The following NAV3 variants were observed in gnomAD, a reference collection of about 807,000 sequenced individuals.
The protein encoded by NAV3 is neuron navigator 3, also known as pore membrane and/or filament interacting like protein 1.
In NAV3, 87 loss-of-function variants were observed where a neutral mutation model predicts 244.7. The ratio of observed to expected loss-of-function variants is 0.36; its 90% CI spans 0.30 to 0.42. The LOEUF is 0.42. Ranked by LOEUF, NAV3 falls within the 20% of genes least tolerant of loss-of-function variation. The pLI, the probability that NAV3 is intolerant of heterozygous loss-of-function variation, is 1.00. For missense variants in NAV3, 2,663 were observed against 2,893.3 expected, an observed-to-expected ratio of 0.92 and a Z score of 1.83; for synonymous variants, 1,126 against 1,042.2, an observed-to-expected ratio of 1.08 and a Z score of -1.55.
At chr12:77,707,344 T>C (rs1875871020) in intron 2 of NAV3, among the ~76,000 whole-genome samples, 1 of 151,956 alleles carries the variant, frequency 6.6e-6, no homozygotes, top group Non-Finnish European at 1.5e-5. Context: ...TTGCTGAGAA[T>C]GATGGTTTCC....
At chr12:78,135,002 A>G (rs1167580076) in intron 18 of NAV3, among the ~76,000 whole-genome samples, 1 of 152,062 alleles carries the variant, frequency 6.6e-6, no homozygotes, top group Non-Finnish European at 1.5e-5. Context: ...AATGGATCTT[A>G]TAGTCCTTTT....
At chr12:77,652,867 G>A (rs1872889824) in intron 2 of NAV3, among the ~76,000 whole-genome samples, 2 of 152,214 alleles carry the variant, frequency 1.3e-5, no homozygotes, top group African/African-American at 4.8e-5. Context: ...TAATCAGCAT[G>A]TGTCTGTGAA....
intron 8 of NAV3, among the ~76,000 whole-genome samples, chr12:78,021,392 T>C (rs1253261619): frequency 6.6e-6 from 1 of 152,194 alleles, no homozygotes; most frequent in Non-Finnish European, 1.5e-5. Flanking sequence ...GTGATTTTAA[T>C]ACTTTCACTA....
chr12:77,939,925 T>C (rs1020467142), intron 1 of NAV3, among the ~76,000 whole-genome samples: 7 of 152,214 alleles, frequency 4.6e-5, no homozygotes, highest in African/African-American at 1.7e-4. Flanking sequence ...CAATTTTTTA[T>C]AGTAATGTTT....
intron 2 of NAV3, among the ~76,000 whole-genome samples, chr12:77,772,878 C>T (rs1312829204): frequency 6.6e-6 from 1 of 152,182 alleles, no homozygotes. Context: ...CTAGTCTTTC[C>T]TACCAGCTGT....
At chr12:77,630,864 C>T (rs1454175415) in intron 2 of NAV3, among the ~76,000 whole-genome samples, 1 of 152,108 alleles carries the variant, frequency 6.6e-6, no homozygotes, top group African/African-American at 2.4e-5. Flanking sequence ...ACTTGCTGCT[C>T]ATTAAACAGA....
intron 2 of NAV3, among the ~76,000 whole-genome samples, chr12:77,631,625 C>T (rs1385499782): frequency 6.6e-6 from 1 of 152,094 alleles, no homozygotes; most frequent in Non-Finnish European, 1.5e-5. Flanking sequence ...CACCAGTTTC[C>T]CCTTCTGTGG....
intron 2 of NAV3, among the ~76,000 whole-genome samples, chr12:77,753,645 G>A (rs1202483847): frequency 6.6e-6 from 1 of 152,140 alleles, no homozygotes; most frequent in Admixed American, 6.6e-5. Context: ...CCTTGCCACA[G>A]TCAGTAGAAA....
intron 5 of NAV3, among the ~76,000 whole-genome samples, chr12:77,990,933 G>A (rs1871335657): frequency 6.6e-6 from 1 of 152,082 alleles, no homozygotes; most frequent in African/African-American, 2.4e-5. Flanking sequence ...TATTAATTGT[G>A]TTAATAATAC....
chr12:78,165,549 T>C (rs1957745707), intron 23 of NAV3, among the ~76,000 whole-genome samples: 2 of 151,904 alleles, frequency 1.3e-5, no homozygotes, highest in South Asian at 4.1e-4. Context: ...ATCTTGGGAA[T>C]TCATTTCTAA....
At chr12:78,090,233 T>TTA (rs956181111) in intron 12 of NAV3, among the ~76,000 whole-genome samples, 57 of 146,794 alleles carry the variant, frequency 3.9e-4, no homozygotes, top group East Asian at 1.6e-3. Context: ...TAAAGTTGAA[T>TTA]TATATATATA....
At chr12:78,029,916 A>C (rs1257352370) in intron 9 of NAV3, among the ~76,000 whole-genome samples, 2 of 152,210 alleles carry the variant, frequency 1.3e-5, no homozygotes, top group Non-Finnish European at 2.9e-5. Context: ...AAAACCACAG[A>C]TTGTACAATC....
At chr12:78,199,137 G>A in intron 36 of NAV3, 198 bp from the exon 37 acceptor site, 1 of 653,774 alleles carries the variant, frequency 1.5e-6, no homozygotes, top group South Asian at 1.5e-5. Flanking sequence ...AAAAAGTAGA[G>A]TTAGCTACAT....
chr12:77,793,464 C>T (rs1379220587), intron 2 of NAV3, among the ~76,000 whole-genome samples: 21 of 152,038 alleles, frequency 1.4e-4, no homozygotes, highest in Non-Finnish European at 3.1e-4. Context: ...TAATGCTTTC[C>T]CTCCACTTGC....
intron 2 of NAV3, among the ~76,000 whole-genome samples, chr12:77,629,198 G>A (rs187405955): frequency 4.1e-4 from 62 of 152,244 alleles, no homozygotes; most frequent in Non-Finnish European, 6.0e-4. Flanking sequence ...CATAAATATT[G>A]TCTTTCTTTA....
At chr12:77,899,025 T>C (rs1196232961) in intron 1 of NAV3, among the ~76,000 whole-genome samples, 3 of 152,186 alleles carry the variant, frequency 2.0e-5, no homozygotes, top group Non-Finnish European at 4.4e-5. Context: ...GCAAGAGAAC[T>C]GAAATCAGAA....
chr12:78,036,975 G>A (rs1207467976), intron 9 of NAV3: 1 of 703,010 alleles, frequency 1.4e-6, no homozygotes, highest in Non-Finnish European at 2.6e-6. Context: ...CAGTGATGGG[G>A]AGAGGAGACC....
chr12:77,953,119 A>G (rs1891051288), intron 3 of NAV3, among the ~76,000 whole-genome samples: 1 of 152,162 alleles, frequency 6.6e-6, no homozygotes, highest in South Asian at 2.1e-4. Context: ...TATAATGAAG[A>G]TTTAATATCA....
At chr12:77,680,610 C>T (rs1175547359) in intron 2 of NAV3, among the ~76,000 whole-genome samples, 1 of 152,156 alleles carries the variant, frequency 6.6e-6, no homozygotes. Context: ...TTGCCAAATT[C>T]TTTTATCCTG....
Sources: allele counts gnomAD v4.1 joint callset (sites outside exome capture counted in the v4.1 genomes callset), GRCh38; gene constraint gnomAD v4.1.1; transcripts MANE v1.5; gene names NCBI Gene and HGNC (gene_info 2026-07-23, HGNC 2026-07-21).